GRID1: variants seen among roughly 807,000 people sequenced by gnomAD.
GRID1 encodes glutamate receptor ionotropic, delta-1.
Under a neutral mutation model 98.0 loss-of-function variants are expected in GRID1, and 28 were observed. The observed-to-expected ratio is 0.29, with a 90% CI of 0.21 to 0.39. The LOEUF (loss-of-function observed/expected upper bound fraction) is 0.39, where lower values mean the gene tolerates loss of function less well. GRID1 is among the 10% of genes least tolerant of loss of function. GRID1 has a pLI of 1.00. For synonymous variants in GRID1, 553 were observed against 538.5 expected (o/e 1.03, Z -0.37); for missense variants, 1,111 against 1,340.5 (o/e 0.83, Z 2.67).
At chr10:86,316,684 G>A (rs922461172) in intron 2 of GRID1, among the ~76,000 whole-genome samples, 1 of 151,512 alleles carries the variant, frequency 6.6e-6, no homozygotes, top group Non-Finnish European at 1.5e-5. Context: ...TGAATTTAAA[G>A]CCCCAGGGCT....
chr10:85,843,626 A>G (rs1486878765), intron 8 of GRID1, among the ~76,000 whole-genome samples: 1 of 152,092 alleles, frequency 6.6e-6, no homozygotes, highest in Non-Finnish European at 1.5e-5. Flanking sequence ...AACAGGCAAA[A>G]GACTTGGACA....
intron 2 of GRID1, among the ~76,000 whole-genome samples, chr10:86,237,753 C>T (rs1295770699): frequency 6.6e-6 from 1 of 150,504 alleles, no homozygotes; most frequent in African/African-American, 2.4e-5. Flanking sequence ...TTCTCCCTCT[C>T]CTGCCATGTA....
intron 4 of GRID1, among the ~76,000 whole-genome samples, chr10:85,964,066 T>A (rs1230538492): frequency 2.6e-5 from 4 of 152,040 alleles, no homozygotes; most frequent in Non-Finnish European, 4.4e-5. Context: ...TACCTAGGAA[T>A]ACAACTTAAA....
At chr10:85,824,654 A>G (rs1842802768) in intron 8 of GRID1, among the ~76,000 whole-genome samples, 1 of 152,290 alleles carries the variant, frequency 6.6e-6, no homozygotes, top group Non-Finnish European at 1.5e-5. Context: ...AGTAGTGTAC[A>G]TTGTACCCAA....
At chr10:86,329,480 A>G (rs1194290939) in intron 2 of GRID1, among the ~76,000 whole-genome samples, 1 of 152,210 alleles carries the variant, frequency 6.6e-6, no homozygotes, top group African/African-American at 2.4e-5. Flanking sequence ...AGAGCCTGAG[A>G]AGGGCTTTGG....
At chr10:86,070,740 G>A (rs1250573197) in intron 4 of GRID1, among the ~76,000 whole-genome samples, 1 of 152,228 alleles carries the variant, frequency 6.6e-6, no homozygotes, top group East Asian at 1.9e-4. Flanking sequence ...GTGTTAAGTA[G>A]TCTTTCAACA....
At chr10:86,266,206 T>C (rs905795364) in intron 2 of GRID1, among the ~76,000 whole-genome samples, 2 of 151,896 alleles carry the variant, frequency 1.3e-5, no homozygotes, top group African/African-American at 2.4e-5. Flanking sequence ...TAACCCATCA[T>C]CACTGCCTCC....
At chr10:86,266,596 G>A (rs1023926364) in intron 2 of GRID1, among the ~76,000 whole-genome samples, 2 of 152,212 alleles carry the variant, frequency 1.3e-5, no homozygotes, top group African/African-American at 2.4e-5. Context: ...CCAGGTCAGT[G>A]ATGAGTGTCA....
chr10:85,741,727 A>G (rs1221159590), intron 8 of GRID1, among the ~76,000 whole-genome samples: 1 of 152,020 alleles, frequency 6.6e-6, no homozygotes, highest in Non-Finnish European at 1.5e-5. Flanking sequence ...TTTCAACTAC[A>G]GTTGGGTCCT....
At chr10:85,879,180 T>C (rs1840960734) in intron 5 of GRID1, among the ~76,000 whole-genome samples, 1 of 152,088 alleles carries the variant, frequency 6.6e-6, no homozygotes, top group Admixed American at 6.6e-5. Context: ...TGGGAGACTT[T>C]AACACCCCAC....
chr10:85,782,275 T>C (rs1417696899), intron 8 of GRID1, among the ~76,000 whole-genome samples: 2 of 98,138 alleles, frequency 2.0e-5, no homozygotes, highest in African/African-American at 4.2e-5. Flanking sequence ...AGAATCCACA[T>C]TGTAACATCA....
At chr10:86,318,866 A>C (rs945257934) in intron 2 of GRID1, among the ~76,000 whole-genome samples, 4 of 152,232 alleles carry the variant, frequency 2.6e-5, no homozygotes, top group African/African-American at 9.6e-5. Context: ...CAGGAGAGAA[A>C]GCACTAAAAA....
intron 8 of GRID1, among the ~76,000 whole-genome samples, chr10:85,745,860 AT>A (rs1283936912): frequency 1.3e-5 from 2 of 152,112 alleles, no homozygotes; most frequent in African/African-American, 2.4e-5. Flanking sequence ...AAGAATCTAC[AT>A]TTTTTTCTCT....
rs569816880 is a variant in GRID1 at position 86,117,028 on chromosome 10, C to A, written c.726+21791G>T. On this transcript the variant is annotated intron_variant, in intron 4 of 15. Transcript: ENST00000327946. Reference sequence around the variant, plus strand: ...ATTACCACAATCACCAATACTACCACCATCACCATCACCACCATCACCACT... The same window carrying A: ...ATTACCACAATCACCAATACTACCAACATCACCATCACCACCATCACCACT... Among the ~76,000 whole-genome samples the A allele has an allele frequency of 2.0e-5, 3 of 151,628 alleles. No homozygotes were observed. In the East Asian group the frequency reaches 5.9e-4, roughly 30 times the overall value.
intron 5 of GRID1, among the ~76,000 whole-genome samples, chr10:85,907,169 T>C (rs1232685655): frequency 6.6e-6 from 1 of 152,210 alleles, no homozygotes. Context: ...TGGAGTGCAA[T>C]GGCACAATCT....
intron 4 of GRID1, among the ~76,000 whole-genome samples, chr10:86,092,534 G>A (rs1475351371): frequency 6.6e-6 from 1 of 152,114 alleles, no homozygotes; most frequent in Non-Finnish European, 1.5e-5. Context: ...CTTAAAGGGT[G>A]GAAAAAGGCA....
chr10:86,334,234 T>C (rs1302989971), intron 2 of GRID1, among the ~76,000 whole-genome samples: 1 of 152,184 alleles, frequency 6.6e-6, no homozygotes, highest in Non-Finnish European at 1.5e-5. Context: ...CAATTAAAAT[T>C]ATAATTAGGT....
intron 4 of GRID1, among the ~76,000 whole-genome samples, chr10:86,076,591 G>A (rs957829827): frequency 9.2e-5 from 14 of 152,170 alleles, no homozygotes; most frequent in African/African-American, 2.4e-4. Context: ...CTGTCAGACC[G>A]GAGACCCATA....
At chr10:85,900,884 A>T (rs1841372168) in intron 5 of GRID1, among the ~76,000 whole-genome samples, 1 of 152,230 alleles carries the variant, frequency 6.6e-6, no homozygotes. Context: ...TGAAGGAAAA[A>T]GATAAGGATC....
Sources: gnomAD v4.1 joint callset for allele counts (sites outside exome capture counted in the v4.1 genomes callset) on GRCh38, gnomAD v4.1.1 for gene constraint, MANE v1.5 for transcripts, NCBI Gene and HGNC (gene_info 2026-07-23, HGNC 2026-07-21) for gene names.